The following OSCP1 variants were observed in gnomAD, a reference collection of about 807,000 sequenced individuals.
The protein encoded by OSCP1 is protein OSCP1.
OSCP1 carries 35 observed loss-of-function variants against 45.1 expected under a neutral mutation model. The ratio of observed to expected loss-of-function variants is 0.78; its 90% CI spans 0.59 to 1.03. The LOEUF (loss-of-function observed/expected upper bound fraction) is 1.03. Ranked by LOEUF, OSCP1 falls within the 50% of genes least tolerant of loss-of-function variation. The pLI is 0.00. For synonymous variants in OSCP1, 179 were observed against 180.1 expected (o/e 0.99, Z 0.05); for missense variants, 400 against 470.7 (o/e 0.85, Z 1.39).
At chr1:36,433,289 A>G (rs78013857) in intron 2 of OSCP1, among the ~76,000 whole-genome samples, 15,557 of 152,216 alleles carry the variant, frequency 0.1, 949 homozygotes, top group East Asian at 0.29. Context: ...CAGGATTTAA[A>G]TTGGCTGAGG....
rs1649607472 is a variant in OSCP1, at chr1:36,447,352, TA to T, written c.112+2905del. Among the ~76,000 whole-genome samples the T allele has an allele frequency of 6.6e-6, 1 of 152,170 alleles. No individual in the cohort carries two copies. The highest frequency in any genetic ancestry group is 1.5e-5 in the Non-Finnish European group (1 of 68,032). ...TGATAAAATCAGTGGGTATATTGGATATATATTTTTCAGACTCCTCCCTCTC... is the reference window on the plus strand; with the variant it reads ...TGATAAAATCAGTGGGTATATTGGATTATATTTTTCAGACTCCTCCCTCTC... On this transcript the variant is annotated intron_variant, in intron 1 of 9. Transcript: ENST00000235532. This position sits in a 1 kb window ranked among gnomAD's most constrained non-coding sequence, Gnocchi z 4.1.
At chr1:36,444,599 A>G (rs914712965) in intron 1 of OSCP1, among the ~76,000 whole-genome samples, 2 of 152,212 alleles carry the variant, frequency 1.3e-5, no homozygotes, top group Non-Finnish European at 2.9e-5. Context: ...TTATATATAT[A>G]GATGCATGAT....
intron 4 of OSCP1, among the ~76,000 whole-genome samples, chr1:36,427,716 C>T (rs1327784558): frequency 6.6e-6 from 1 of 152,162 alleles, no homozygotes; most frequent in Non-Finnish European, 1.5e-5. Flanking sequence ...CCCAAATATG[C>T]AGCCCTGATA....
intron 8 of OSCP1, among the ~76,000 whole-genome samples, chr1:36,419,577 G>A (rs1647486657): frequency 6.6e-6 from 1 of 152,146 alleles, no homozygotes; most frequent in African/African-American, 2.4e-5. Flanking sequence ...GTTTTGAGGA[G>A]GATCACATGA....
intron 4 of OSCP1, among the ~76,000 whole-genome samples, chr1:36,425,164 C>A (rs1647887483): frequency 7.3e-6 from 1 of 136,812 alleles, no homozygotes; most frequent in Non-Finnish European, 1.6e-5. Flanking sequence ...CAGAGCAAGA[C>A]TCTGTCTCAA....
chr1:36,433,254 C>A (rs1275970024), intron 2 of OSCP1, among the ~76,000 whole-genome samples: 2 of 152,132 alleles, frequency 1.3e-5, no homozygotes, highest in Admixed American at 1.3e-4. Flanking sequence ...GTACAAGTGG[C>A]CTTATATAGC....
chr1:36,440,204 G>A (rs999950552), intron 1 of OSCP1, among the ~76,000 whole-genome samples: 4 of 152,230 alleles, frequency 2.6e-5, no homozygotes, highest in African/African-American at 9.6e-5. Flanking sequence ...GCAAGGTAGA[G>A]CAGTGAAGTG....
At chr1:36,438,710 G>T in intron 2 of OSCP1, 46 bp downstream of exon 2, 1 of 1,563,460 alleles carries the variant, frequency 6.4e-7, no homozygotes, top group Non-Finnish European at 8.6e-7. Flanking sequence ...ATCCACAAAA[G>T]GTACAAAAAA....
intron 1 of OSCP1, among the ~76,000 whole-genome samples, chr1:36,439,761 A>G (rs1649007002): frequency 6.6e-6 from 1 of 152,232 alleles, no homozygotes; most frequent in Admixed American, 6.5e-5. Context: ...TTGATACTAC[A>G]GTGTAGTGCT....
chr1:36,449,860 A>AAAAAAAAAC (rs1649783602), intron 1 of OSCP1, among the ~76,000 whole-genome samples: 1 of 148,534 alleles, frequency 6.7e-6, no homozygotes, highest in Admixed American at 6.8e-5. Context: ...AAAAAAAAAA[A>AAAAAAAAAC]AAAAAAAATC....
At chr1:36,422,719 G>A (rs1383610529) in intron 6 of OSCP1, 49 bp downstream of exon 6, 2 of 1,323,388 alleles carry the variant, frequency 1.5e-6, no homozygotes, top group East Asian at 2.7e-5. Context: ...TTTTTTAAAT[G>A]AAGTGACCTC....
intron 6 of OSCP1, 145 bp downstream of exon 6, chr1:36,422,623 C>T: frequency 1.3e-6 from 1 of 795,556 alleles, no homozygotes; most frequent in East Asian, 2.6e-5. Flanking sequence ...AATGTCAGGC[C>T]TCTGTATGCA....
At chr1:36,419,143 A>G (rs1647462061) in intron 8 of OSCP1, 89 bp from the exon 9 acceptor site, 1 of 1,158,382 alleles carries the variant, frequency 8.6e-7, no homozygotes, top group Non-Finnish European at 1.3e-6. Context: ...TTGGCAACCT[A>G]TTTTTTCTGC....
rs980813789 is a variant in OSCP1 at position 36,447,593 on chromosome 1, C to T, written c.112+2665G>A. Among the ~76,000 whole-genome samples, 1 of 152,216 alleles carries T rather than the reference C, an allele frequency of 6.6e-6. No homozygotes were observed. The highest frequency in any genetic ancestry group is 1.5e-5 in the Non-Finnish European group (1 of 68,038). ...TGATGCCTTGGGCTCAAATCCTTTA[C>T]TTTTCCTCCTACCAGCCATGTAACT... On this transcript the variant is annotated intron_variant, in intron 1 of 9. Transcript: ENST00000235532. This position sits in a 1 kb window ranked among gnomAD's most constrained non-coding sequence, Gnocchi z 4.1.
intron 7 of OSCP1, 156 bp downstream of exon 7, chr1:36,421,994 A>C: frequency 2.9e-6 from 2 of 693,130 alleles, no homozygotes; most frequent in South Asian, 3.6e-5. Flanking sequence ...AGCTACAATT[A>C]AAACCTGTGT....
At chr1:36,418,909 A>G in intron 9 of OSCP1, 82 bp downstream of exon 9, 1 of 1,185,304 alleles carries the variant, frequency 8.4e-7, no homozygotes, top group Non-Finnish European at 1.2e-6. Context: ...CCTGGGTGAC[A>G]GAGCGAGACC....
chr1:36,422,124 G>A, intron 7 of OSCP1, 26 bp downstream of exon 7: 1 of 1,600,244 alleles, frequency 6.2e-7, no homozygotes, highest in Non-Finnish European at 8.6e-7. Flanking sequence ...AAGCTGTGAG[G>A]GTAGGCAAGG....
intron 4 of OSCP1, among the ~76,000 whole-genome samples, chr1:36,430,373 A>G (rs1458517433): frequency 1.3e-5 from 2 of 152,088 alleles, no homozygotes; most frequent in African/African-American, 4.8e-5. Context: ...AGGATGTAGA[A>G]TTGCCTAGCT....
chr1:36,444,717 G>C (rs1004430928), intron 1 of OSCP1, among the ~76,000 whole-genome samples: 3 of 152,218 alleles, frequency 2.0e-5, no homozygotes, highest in African/African-American at 7.2e-5. Flanking sequence ...GAAAAATGCA[G>C]TTGGCTAGAG....
Sources: allele counts gnomAD v4.1 joint callset (sites outside exome capture counted in the v4.1 genomes callset), GRCh38; gene constraint gnomAD v4.1.1; non-coding constraint Gnocchi (gnomAD v3.1); transcripts MANE v1.5; gene names NCBI Gene and HGNC (gene_info 2026-07-23, HGNC 2026-07-21).